The following ASAP2 variants were observed in gnomAD, a reference collection of about 807,000 sequenced individuals.
ASAP2 encodes arf-GAP with SH3 domain, ANK repeat and PH domain-containing protein 2.
ASAP2 carries 45 observed loss-of-function variants against 131.4 expected under a neutral mutation model. The observed-to-expected ratio is 0.34, with a 90% CI of 0.27 to 0.44. ASAP2 has a LOEUF of 0.44. ASAP2 is among the 20% of genes least tolerant of loss of function. The pLI is 1.00. For synonymous variants in ASAP2, 510 were observed against 503.0 expected (o/e 1.01, Z -0.19); for missense variants, 1,011 against 1,297.0 (o/e 0.78, Z 3.39).
intron 3 of ASAP2, among the ~76,000 whole-genome samples, chr2:9,315,265 G>A (rs1669578084): frequency 6.6e-6 from 1 of 152,212 alleles, no homozygotes; most frequent in Non-Finnish European, 1.5e-5. Flanking sequence ...CTGAAGCGGG[G>A]AGTGGGGCAG....
chr2:9,349,021 A>T (rs1234580550), intron 11 of ASAP2, among the ~76,000 whole-genome samples: 1 of 152,138 alleles, frequency 6.6e-6, no homozygotes, highest in African/African-American at 2.4e-5. Context: ...CAACCAGATT[A>T]TTTGGTCTGT....
At chr2:9,261,469 G>A in intron 1 of ASAP2, among the ~76,000 whole-genome samples, 1 of 152,224 alleles carries the variant, frequency 6.6e-6, no homozygotes, top group East Asian at 1.9e-4. Flanking sequence ...AAAGATAATG[G>A]AAGTAAAAGT....
At chr2:9,306,340 C>A (rs1383524785) in intron 3 of ASAP2, among the ~76,000 whole-genome samples, 5 of 151,682 alleles carry the variant, frequency 3.3e-5, no homozygotes, top group Non-Finnish European at 7.4e-5. Context: ...GAGCCACATC[C>A]GCAGCAGGGA....
At chr2:9,387,211 C>G (rs1461672741) in intron 21 of ASAP2, among the ~76,000 whole-genome samples, 1 of 87,298 alleles carries the variant, frequency 1.1e-5, no homozygotes, top group Non-Finnish European at 1.9e-5. Context: ...GAGACTCTGT[C>G]TCAAAAAAAA....
chr2:9,340,055 C>T (rs889692003), intron 9 of ASAP2, among the ~76,000 whole-genome samples: 2 of 152,188 alleles, frequency 1.3e-5, no homozygotes, highest in African/African-American at 4.8e-5. Context: ...CAGAATCTCC[C>T]TCTGTCGTCT....
intron 3 of ASAP2, among the ~76,000 whole-genome samples, chr2:9,313,975 T>G (rs946136426): frequency 4.6e-5 from 7 of 152,176 alleles, no homozygotes; most frequent in African/African-American, 1.7e-4. Flanking sequence ...TCATTTACCT[T>G]TGTAAATTTA....
At chr2:9,377,201 G>T (rs1343432373) in intron 18 of ASAP2, among the ~76,000 whole-genome samples, 2 of 152,166 alleles carry the variant, frequency 1.3e-5, no homozygotes, top group East Asian at 3.9e-4. Context: ...TGTGGTAATT[G>T]CAGGGTCCAA....
intron 16 of ASAP2, among the ~76,000 whole-genome samples, chr2:9,372,248 G>A (rs1674037503): frequency 6.6e-6 from 1 of 152,074 alleles, no homozygotes; most frequent in Non-Finnish European, 1.5e-5. Context: ...TGCCCACCAT[G>A]ACACTCGCCA....
intron 3 of ASAP2, among the ~76,000 whole-genome samples, chr2:9,298,597 T>A (rs370594893): frequency 6.6e-6 from 1 of 152,202 alleles, no homozygotes; most frequent in African/African-American, 2.4e-5. Flanking sequence ...TCGCCCTGCC[T>A]CAGCCCCATG....
chr2:9,261,862 C>G (rs1404130697), intron 1 of ASAP2, among the ~76,000 whole-genome samples: 1 of 152,158 alleles, frequency 6.6e-6, no homozygotes, highest in Non-Finnish European at 1.5e-5. Flanking sequence ...CCTACTCACC[C>G]CTGCACTTAA....
intron 7 of ASAP2, among the ~76,000 whole-genome samples, chr2:9,334,010 T>TTCTCTC (rs1275386211): frequency 6.7e-6 from 1 of 149,140 alleles, no homozygotes; most frequent in Non-Finnish European, 1.5e-5. Flanking sequence ...TCTGCATTAT[T>TTCTCTC]TCTCTCTCTC....
intron 7 of ASAP2, among the ~76,000 whole-genome samples, chr2:9,331,503 C>T (rs1288880867): frequency 2.0e-5 from 3 of 152,216 alleles, no homozygotes; most frequent in African/African-American, 4.8e-5. Context: ...CATGGTGGCT[C>T]ATGCCTGAAA....
intron 1 of ASAP2, among the ~76,000 whole-genome samples, chr2:9,227,781 A>G (rs1372838136): frequency 6.6e-6 from 1 of 152,246 alleles, no homozygotes; most frequent in Admixed American, 6.5e-5. Context: ...ATATACAAAG[A>G]TTCTATGTGC....
intron 1 of ASAP2, among the ~76,000 whole-genome samples, chr2:9,211,835 C>T (rs1275616508): frequency 6.6e-6 from 1 of 152,204 alleles, no homozygotes; most frequent in African/African-American, 2.4e-5. Context: ...GTTTGAAAAA[C>T]AGTTCCTCCA....
At chr2:9,269,622 G>A (rs148583365) in intron 1 of ASAP2, among the ~76,000 whole-genome samples, 3 of 152,234 alleles carry the variant, frequency 2.0e-5, no homozygotes, top group South Asian at 2.1e-4. Flanking sequence ...TGGTGGCACC[G>A]CCCTCAGGCG....
chr2:9,265,435 G>C (rs762574771), intron 1 of ASAP2, among the ~76,000 whole-genome samples: 9 of 152,178 alleles, frequency 5.9e-5, no homozygotes, highest in Non-Finnish European at 1.2e-4. Flanking sequence ...TGTGCTCAGA[G>C]TTAAAGACCT....
intron 1 of ASAP2, among the ~76,000 whole-genome samples, chr2:9,271,073 G>A (rs561912675): frequency 3.6e-4 from 54 of 151,602 alleles, no homozygotes; most frequent in African/African-American, 1.3e-3. Context: ...GATTACAGGC[G>A]TGAGCCACCG....
intron 19 of ASAP2, 150 bp from the exon 20 acceptor site, chr2:9,380,591 C>A (rs555200378): frequency 2.5e-6 from 2 of 788,314 alleles, no homozygotes; most frequent in Non-Finnish European, 4.6e-6. Flanking sequence ...ATACATTCAG[C>A]CTCGACTAGG....
chr2:9,291,583 T>G (rs78039204), intron 2 of ASAP2, among the ~76,000 whole-genome samples: 1 of 152,164 alleles, frequency 6.6e-6, no homozygotes, highest in Non-Finnish European at 1.5e-5. Context: ...ATGTCATCCG[T>G]CTAGGGAGAG....
Sources: gnomAD v4.1 joint callset for allele counts (sites outside exome capture counted in the v4.1 genomes callset) on GRCh38, gnomAD v4.1.1 for gene constraint, MANE v1.5 for transcripts, NCBI Gene and HGNC (gene_info 2026-07-23, HGNC 2026-07-21) for gene names.